Variants in DNAJC1 observed in about 807,000 individuals in gnomAD.
DNAJC1 encodes dnaJ homolog subfamily C member 1.
DNAJC1 carries 58 observed loss-of-function variants against 76.6 expected under a neutral mutation model. That is an observed-to-expected ratio of 0.76 (90% confidence interval 0.61 to 0.94). The LOEUF (loss-of-function observed/expected upper bound fraction) is 0.94. DNAJC1 is among the 40% of genes least tolerant of loss of function. The probability of loss-of-function intolerance (pLI) is 0.00; values close to 1 mark genes in which losing one functional copy is unlikely to be tolerated. For missense variants in DNAJC1, 689 were observed against 677.3 expected (o/e 1.02, Z -0.19); for synonymous variants, 258 against 267.9 (o/e 0.96, Z 0.36).
At chr10:21,895,981 C>T (rs542083101) in intron 7 of DNAJC1, among the ~76,000 whole-genome samples, 2 of 152,312 alleles carry the variant, frequency 1.3e-5, no homozygotes, top group Admixed American at 1.3e-4. Context: ...AAGCAGTAAA[C>T]CTTGGTGGCA....
At chr10:21,829,197 AT>A (rs531329745) in intron 8 of DNAJC1, among the ~76,000 whole-genome samples, 1 of 148,586 alleles carries the variant, frequency 6.7e-6, no homozygotes, top group African/African-American at 2.5e-5. Flanking sequence ...TGCCCAGCTG[AT>A]TTTTTTGTTG....
chr10:21,972,866 A>T (rs1282981669), intron 1 of DNAJC1, among the ~76,000 whole-genome samples: 1 of 152,110 alleles, frequency 6.6e-6, no homozygotes, highest in Non-Finnish European at 1.5e-5. Flanking sequence ...ATAGAACCAG[A>T]GAACCTAAAT....
chr10:21,808,721 T>A (rs1267721601), intron 8 of DNAJC1, among the ~76,000 whole-genome samples: 2 of 152,214 alleles, frequency 1.3e-5, no homozygotes, highest in African/African-American at 4.8e-5. Context: ...TCTTCTAATC[T>A]GGAGCCAACT....
At chr10:21,834,642 G>C (rs929972401) in intron 8 of DNAJC1, among the ~76,000 whole-genome samples, 1 of 152,192 alleles carries the variant, frequency 6.6e-6, no homozygotes, top group Non-Finnish European at 1.5e-5. Flanking sequence ...CTTTTCCAAC[G>C]GACTTAAAAA....
chr10:21,774,119 C>T (rs958227552), intron 9 of DNAJC1, among the ~76,000 whole-genome samples: 2 of 128,004 alleles, frequency 1.6e-5, no homozygotes, highest in Non-Finnish European at 3.1e-5. Context: ...CCAGCCTGGG[C>T]GACAGAGCGA....
At chr10:21,796,289 T>C (rs1390103133) in intron 9 of DNAJC1, among the ~76,000 whole-genome samples, 3 of 152,114 alleles carry the variant, frequency 2.0e-5, no homozygotes, top group East Asian at 1.9e-4. Context: ...TTTTCATGAA[T>C]GAATAATATT....
chr10:21,919,604 G>A (rs979088830), intron 5 of DNAJC1, among the ~76,000 whole-genome samples: 8 of 151,752 alleles, frequency 5.3e-5, no homozygotes, highest in Non-Finnish European at 1.2e-4. Context: ...AGAATTTGAG[G>A]GATTATTTAA....
chr10:21,999,542 G>A (rs1462188271), intron 1 of DNAJC1, among the ~76,000 whole-genome samples: 5 of 131,346 alleles, frequency 3.8e-5, no homozygotes, highest in Non-Finnish European at 6.2e-5. Flanking sequence ...TGCAACCTCC[G>A]CCTCCCGGGT....
At chr10:21,808,939 C>A (rs145215510) in intron 8 of DNAJC1, among the ~76,000 whole-genome samples, 7 of 152,252 alleles carry the variant, frequency 4.6e-5, no homozygotes, top group African/African-American at 1.7e-4. Context: ...AATCTCCATA[C>A]TGAATACAAA....
chr10:21,803,776 AT>A, intron 9 of DNAJC1: 5 of 916,896 alleles, frequency 5.5e-6, no homozygotes, highest in Non-Finnish European at 6.5e-6. Flanking sequence ...TTATAATGGC[AT>A]TTTTTTGTAC....
chr10:21,851,741 A>G lies in DNAJC1; in HGVS notation c.978+30541T>C, dbSNP rs573014010. On this transcript the variant is annotated intron_variant, in intron 8 of 11. Coordinates refer to ENST00000376980, the MANE Select transcript of DNAJC1 (RefSeq NM_022365.4). ...GTAGAAACAGCCCAAACATTTATCA[A>G]TGGATGAATGGATAAACAAATTGTA... 1.3e-4 allele frequency among the ~76,000 whole-genome samples: 20 copies of G among 152,242 alleles called. No individual in the cohort carries two copies. The East Asian group carries it at 2.9e-3, about 22-fold the overall frequency.
intron 8 of DNAJC1, among the ~76,000 whole-genome samples, chr10:21,824,522 T>C (rs990166120): frequency 3.3e-5 from 5 of 152,206 alleles, no homozygotes; most frequent in Non-Finnish European, 5.9e-5. Context: ...ATTAAGGTCC[T>C]AGAAAATAAC....
chr10:21,866,118 G>T lies in DNAJC1; in HGVS notation c.978+16164C>A, dbSNP rs1476227958. Among the ~76,000 whole-genome samples the T allele has an allele frequency of 3.8e-5, 5 of 130,530 alleles. No individual in the cohort carries two copies. The South Asian group carries it at 1.3e-3, about 33-fold the overall frequency. 85.6% of individuals were successfully genotyped at this position (130,530 alleles called of 152,430 possible). On this transcript the variant is annotated intron_variant, in intron 8 of 11. Coordinates refer to ENST00000376980, the MANE Select transcript of DNAJC1 (RefSeq NM_022365.4). The stretch of plus-strand genomic sequence containing the variant: ...CCACTGCATTCCAGCCTGGGCGAGA[G>T]AGTGAGACTTCAACTCAAAAAAAAA...
intron 7 of DNAJC1, among the ~76,000 whole-genome samples, chr10:21,888,235 A>G (rs2131728129): frequency 6.6e-6 from 1 of 152,298 alleles, no homozygotes; most frequent in South Asian, 2.1e-4. Flanking sequence ...TCAAAAAATA[A>G]CAGATGATGC....
At chr10:21,782,479 C>T (rs925827624) in intron 9 of DNAJC1, among the ~76,000 whole-genome samples, 2 of 152,142 alleles carry the variant, frequency 1.3e-5, no homozygotes, top group Non-Finnish European at 2.9e-5. Context: ...GGAGCTGGTA[C>T]CACTCCTTCT....
At chr10:21,824,116 A>C (rs1835203903) in intron 8 of DNAJC1, among the ~76,000 whole-genome samples, 1 of 152,204 alleles carries the variant, frequency 6.6e-6, no homozygotes, top group Non-Finnish European at 1.5e-5. Context: ...AAGAAACAGG[A>C]AGATTCTAGG....
intron 9 of DNAJC1, among the ~76,000 whole-genome samples, chr10:21,798,854 C>T (rs939736249): frequency 2.6e-5 from 4 of 152,072 alleles, no homozygotes; most frequent in African/African-American, 9.7e-5. Context: ...TATTCTAGCT[C>T]AGTGGGAGGG....
At chr10:21,817,403 C>T (rs374829485) in intron 8 of DNAJC1, among the ~76,000 whole-genome samples, 1 of 152,060 alleles carries the variant, frequency 6.6e-6, no homozygotes, top group African/African-American at 2.4e-5. Flanking sequence ...AAAGTCCTAT[C>T]ATGACTTGTA....
chr10:22,001,542 TC>T (rs1287800218), intron 1 of DNAJC1, among the ~76,000 whole-genome samples: 1 of 152,230 alleles, frequency 6.6e-6, no homozygotes, highest in Non-Finnish European at 1.5e-5. Context: ...TATTTTCTCA[TC>T]TTTGCCCAGA....
Sources: gnomAD v4.1 joint callset for allele counts (sites outside exome capture counted in the v4.1 genomes callset) on GRCh38, gnomAD v4.1.1 for gene constraint, MANE v1.5 for transcripts, NCBI Gene and HGNC (gene_info 2026-07-23, HGNC 2026-07-21) for gene names.